GALNTL6: variants seen among roughly 807,000 people sequenced by gnomAD.
The protein encoded by GALNTL6 is polypeptide N-acetylgalactosaminyltransferase like 6, also known as polypeptide N-acetylgalactosaminyltransferase-like 6.
In GALNTL6, 46 loss-of-function variants were observed where a neutral mutation model predicts 73.7. The ratio of observed to expected loss-of-function variants is 0.62; its 90% CI spans 0.49 to 0.80. The LOEUF is 0.80. Ranked by LOEUF, GALNTL6 falls within the 30% of genes least tolerant of loss-of-function variation. GALNTL6 has a pLI of 0.00. For missense variants in GALNTL6, 604 were observed against 755.0 expected (o/e 0.80, Z 2.34); for synonymous variants, 259 against 263.7 (o/e 0.98, Z 0.17).
At chr4:172,152,028 G>A (rs1734105466) in intron 2 of GALNTL6, among the ~76,000 whole-genome samples, 1 of 151,690 alleles carries the variant, frequency 6.6e-6, no homozygotes, top group Non-Finnish European at 1.5e-5. Context: ...CCAGGCTGGA[G>A]TGCAGTGGTG....
intron 2 of GALNTL6, among the ~76,000 whole-genome samples, chr4:171,923,846 T>C (rs1012160347): frequency 6.8e-6 from 1 of 146,368 alleles, no homozygotes; most frequent in Non-Finnish European, 1.5e-5. Context: ...CTTCTTGCTC[T>C]TGTTTTTATA....
chr4:172,986,227 T>C (rs142370392), intron 10 of GALNTL6, among the ~76,000 whole-genome samples: 1 of 152,164 alleles, frequency 6.6e-6, no homozygotes, highest in Admixed American at 6.5e-5. Flanking sequence ...TCATCACACA[T>C]TATTCTTAAA....
intron 2 of GALNTL6, among the ~76,000 whole-genome samples, chr4:171,834,061 A>AT (rs928563083): frequency 6.6e-6 from 1 of 151,820 alleles, no homozygotes; most frequent in Admixed American, 6.6e-5. Context: ...TTAAAAAAAC[A>AT]TTTTTTAAAG....
chr4:172,241,805 A>G (rs1737443164), intron 3 of GALNTL6, among the ~76,000 whole-genome samples: 1 of 152,214 alleles, frequency 6.6e-6, no homozygotes, highest in Non-Finnish European at 1.5e-5. Flanking sequence ...TATGTGTAAT[A>G]CCATTATAGT....
chr4:172,952,948 C>T (rs1579700454), intron 10 of GALNTL6, among the ~76,000 whole-genome samples: 1 of 152,090 alleles, frequency 6.6e-6, no homozygotes, highest in Admixed American at 6.6e-5. Flanking sequence ...TGATAAAAAC[C>T]CTCTGTCCTG....
intron 2 of GALNTL6, among the ~76,000 whole-genome samples, chr4:172,026,515 G>A (rs1456281670): frequency 3.3e-5 from 5 of 152,118 alleles, no homozygotes; most frequent in Non-Finnish European, 7.4e-5. Context: ...TAGTTCAACT[G>A]AGGGATTGAA....
intron 2 of GALNTL6, among the ~76,000 whole-genome samples, chr4:171,853,012 A>ATTTTTTTTTTTTTTTTTTTTTT (rs765984611): frequency 4.6e-5 from 4 of 86,870 alleles, no homozygotes; most frequent in African/African-American, 9.3e-5. Context: ...CGCCCGGCTA[A>ATTTTTTTTTTTTTTTTTTTTTT]TTTTTTTTTT....
At chr4:172,119,268 T>C (rs1005570977) in intron 2 of GALNTL6, among the ~76,000 whole-genome samples, 1 of 152,220 alleles carries the variant, frequency 6.6e-6, no homozygotes, top group Non-Finnish European at 1.5e-5. Flanking sequence ...TAAAAAGTTG[T>C]ATCTCACTCT....
intron 3 of GALNTL6, among the ~76,000 whole-genome samples, chr4:172,281,679 C>A (rs1739063008): frequency 6.6e-6 from 1 of 152,198 alleles, no homozygotes; most frequent in Non-Finnish European, 1.5e-5. Flanking sequence ...CCACTGCACT[C>A]CAGCCTGGGC....
intron 2 of GALNTL6, among the ~76,000 whole-genome samples, chr4:172,111,854 C>T (rs981492440): frequency 6.6e-6 from 1 of 152,124 alleles, no homozygotes; most frequent in South Asian, 2.1e-4. Flanking sequence ...ACAGACTCAA[C>T]TCTTACATTA....
chr4:172,501,107 C>T (rs545300441), intron 5 of GALNTL6, among the ~76,000 whole-genome samples: 1 of 152,296 alleles, frequency 6.6e-6, no homozygotes, highest in South Asian at 2.1e-4. Context: ...CAAATGAGTA[C>T]ATGCATAACT....
At chr4:172,396,325 T>A (rs1332966739) in intron 5 of GALNTL6, among the ~76,000 whole-genome samples, 1 of 151,844 alleles carries the variant, frequency 6.6e-6, no homozygotes, top group Non-Finnish European at 1.5e-5. Context: ...TCTTTTTTTT[T>A]TTTTTAAGTC....
At chr4:172,980,995 A>G (rs1561068429) in intron 10 of GALNTL6, among the ~76,000 whole-genome samples, 1 of 152,246 alleles carries the variant, frequency 6.6e-6, no homozygotes, top group Non-Finnish European at 1.5e-5. Context: ...TAATGTCTTC[A>G]TACAACATCC....
intron 5 of GALNTL6, among the ~76,000 whole-genome samples, chr4:172,429,886 G>A (rs541507354): frequency 6.6e-6 from 1 of 152,174 alleles, no homozygotes; most frequent in African/African-American, 2.4e-5. Flanking sequence ...TATAAATACT[G>A]CAAATGGGTT....
At chr4:172,529,645 A>G (rs1199887585) in intron 5 of GALNTL6, among the ~76,000 whole-genome samples, 1 of 151,444 alleles carries the variant, frequency 6.6e-6, no homozygotes, top group Non-Finnish European at 1.5e-5. Flanking sequence ...TGTAGCATAA[A>G]TGCAAAGTTG....
chr4:172,081,415 G>A (rs113817505), intron 2 of GALNTL6, among the ~76,000 whole-genome samples: 5 of 152,294 alleles, frequency 3.3e-5, no homozygotes, highest in African/African-American at 9.6e-5. Flanking sequence ...CAAGGCAGGC[G>A]AATCATGAGG....
At chr4:172,501,927 A>C (rs114371035) in intron 5 of GALNTL6, among the ~76,000 whole-genome samples, 3,748 of 152,272 alleles carry the variant, frequency 0.025, 151 homozygotes, top group African/African-American at 0.085. Context: ...TTAGCATTTT[A>C]ATACACAGTA....
intron 2 of GALNTL6, among the ~76,000 whole-genome samples, chr4:172,172,351 C>G (rs1734857289): frequency 6.6e-6 from 1 of 152,090 alleles, no homozygotes; most frequent in Admixed American, 6.6e-5. Flanking sequence ...GCACTCGCCA[C>G]CATGCCCGGC....
intron 5 of GALNTL6, among the ~76,000 whole-genome samples, chr4:172,537,754 T>A (rs2110864279): frequency 6.6e-6 from 1 of 152,296 alleles, no homozygotes; most frequent in Non-Finnish European, 1.5e-5. Context: ...ACAGTCTGAA[T>A]ATATAAAGGG....
Sources: gnomAD v4.1 joint callset for allele counts (sites outside exome capture counted in the v4.1 genomes callset) on GRCh38, gnomAD v4.1.1 for gene constraint, MANE v1.5 for transcripts, NCBI Gene and HGNC (gene_info 2026-07-23, HGNC 2026-07-21) for gene names.